The following SLC6A4 variants were observed in gnomAD, a reference collection of about 807,000 sequenced individuals.
SLC6A4 encodes solute carrier family 6 member 4.
A neutral mutation model predicts 73.4 loss-of-function variants in SLC6A4; 22 were observed. That is an observed-to-expected ratio of 0.30 (90% CI 0.21 to 0.43). SLC6A4 has a LOEUF of 0.43. Ranked by LOEUF, SLC6A4 falls within the 20% of genes least tolerant of loss-of-function variation. SLC6A4 has a pLI of 1.00. For synonymous variants in SLC6A4, 270 were observed against 315.5 expected (o/e 0.86, Z 1.53); for missense variants, 593 against 808.5 (o/e 0.73, Z 3.23).
chr17:30,204,450 A>T (rs1194537221), intron 13 of SLC6A4: 1 of 152,106 alleles, frequency 6.6e-6, no homozygotes, highest in Non-Finnish European at 1.5e-5. Context: ...CCTCATCCCC[A>T]GAGCCGGCTA....
chr17:30,201,921 A>G (rs1320949852), intron 14 of SLC6A4, among the ~76,000 whole-genome samples: 1 of 152,124 alleles, frequency 6.6e-6, no homozygotes, highest in Non-Finnish European at 1.5e-5. Flanking sequence ...TGGGCAACAT[A>G]GTGAGATCTT....
At chr17:30,200,702 C>T (rs1298280383) in intron 14 of SLC6A4, among the ~76,000 whole-genome samples, 3 of 152,196 alleles carry the variant, frequency 2.0e-5, no homozygotes, top group Non-Finnish European at 4.4e-5. Context: ...ATGCTTTATT[C>T]TTCTCAGAGA....
intron 14 of SLC6A4, 126 bp downstream of exon 14, chr17:30,203,046 A>ATAGG: frequency 1.4e-6 from 1 of 731,358 alleles, no homozygotes; most frequent in South Asian, 2.0e-5. Context: ...GCACAGGTAC[A>ATAGG]TACATATATA....
chr17:30,198,521 T>G lies in SLC6A4; in HGVS notation c.1828A>C (p.Lys610Gln), dbSNP rs201520429. The G allele has an allele frequency of 6.3e-7, 1 of 1,580,916 alleles. No homozygotes were observed. The highest frequency in any genetic ancestry group is 2.2e-5 in the East Asian group (1 of 44,662). ...TPGTFKERII[K>Q]SITPETPTEI... is the part of the protein sequence containing the mutation. ...GTTGGTGTTTCTGGGGTAATACTTT[T>G]AATAATACGCTATTGGGAAGAAAAT... The change falls in exon 15 of 15, where the codon AAA (lysine) becomes CAA (glutamine). Residue 610 changes from lysine to glutamine, a missense_variant. Lys to Gln is a moderately conservative substitution (Grantham distance 53, BLOSUM62 1). Coordinates refer to ENST00000650711, the MANE Select transcript of SLC6A4 (RefSeq NM_001045.6).
intron 8 of SLC6A4, 97 bp downstream of exon 8, chr17:30,215,514 C>T (rs1036176436): frequency 7.0e-6 from 7 of 995,802 alleles, no homozygotes; most frequent in Middle Eastern, 4.1e-4. Context: ...CTAAGCCTGG[C>T]CAGATTCGAG....
intron 9 of SLC6A4, among the ~76,000 whole-genome samples, 167 bp downstream of exon 9, chr17:30,212,573 A>G (rs1457301920): frequency 6.6e-6 from 1 of 152,154 alleles, no homozygotes; most frequent in Non-Finnish European, 1.5e-5. Flanking sequence ...TTATAGAGGC[A>G]GGGTCTCACT....
chr17:30,212,369 G>A (rs902722996), intron 9 of SLC6A4, among the ~76,000 whole-genome samples: 3 of 152,174 alleles, frequency 2.0e-5, no homozygotes, highest in African/African-American at 4.8e-5. Context: ...CTAAGGCATC[G>A]AGCTTCTCTC....
At chr17:30,199,772 T>C (rs1905973960) in intron 14 of SLC6A4, among the ~76,000 whole-genome samples, 1 of 152,166 alleles carries the variant, frequency 6.6e-6, no homozygotes. Flanking sequence ...TACCAGAGCA[T>C]GCCGAGTCAC....
Position 30,218,102 on chromosome 17 carries a change from A to C in SLC6A4, c.698+16T>G. On this transcript the variant is annotated intron_variant, in intron 5 of 14. Transcript: ENST00000650711. ...CCTGCCCCTAACAGGCCAACCCCTC[A>C]CTTACGTGCACTTACGTGTAAAATT... The C allele has an allele frequency of 1.9e-6, 3 of 1,609,762 alleles. No individual in the cohort carries two copies. Among genetic ancestry groups the C allele is most frequent in the Non-Finnish European group, 2.6e-6 (3 of 1,176,040 alleles).
intron 10 of SLC6A4, 148 bp from the exon 11 acceptor site, chr17:30,210,794 A>G: frequency 1.3e-6 from 1 of 796,494 alleles, no homozygotes; most frequent in Non-Finnish European, 1.9e-6. Flanking sequence ...CCATGTAAGC[A>G]TCTCAAAGAG....
rs563326666 is a variant in SLC6A4, at chr17:30,211,738, A to G, written c.1205-314T>C. ...ACATGAGAATAAGAGTTTCCACCAT[A>G]TAACAATTCCATGGGATTTCTCAGG... is the stretch of plus-strand genomic sequence containing the variant. On this transcript the variant is annotated intron_variant, in intron 9 of 14. Coordinates refer to ENST00000650711, the MANE Select transcript of SLC6A4 (RefSeq NM_001045.6). This position sits in a 1 kb window ranked among gnomAD's most constrained non-coding sequence, Gnocchi z 4.0. Among the ~76,000 whole-genome samples, 1 of 152,294 alleles carries G rather than the reference A, an allele frequency of 6.6e-6. No individual in the cohort carries two copies. The highest frequency in any genetic ancestry group is 1.9e-4 in the East Asian group (1 of 5,186).
At chr17:30,230,122 AGAG>A (rs111715707) in intron 1 of SLC6A4, among the ~76,000 whole-genome samples, 3,378 of 123,388 alleles carry the variant, frequency 0.027, 108 homozygotes, top group African/African-American at 0.068. Context: ...AGGAAGAGGA[AGAG>A]GAGGAGGAGG....
rs774597104 is a variant in SLC6A4, at chr17:30,218,824, A to T, written c.451T>A (p.Trp151Arg). The T allele has an allele frequency of 6.2e-7, 1 of 1,614,006 alleles. No homozygotes were observed. The highest frequency in any genetic ancestry group is 8.5e-7 in the Non-Finnish European group (1 of 1,179,984). The change falls in exon 4 of 15, where the codon TGG becomes AGG. Residue 151 changes from tryptophan to arginine, a missense_variant. Transcript: ENST00000650711. Reference protein sequence around the residue: ...QYHRNGCISIWRKICPIFKGI... With the variant: ...QYHRNGCISIRRKICPIFKGI... ...TTGAAAATCGGGCAGATTTTCCTCCATATTGAAATGCATCCATTTCGGTGG... is the reference window on the plus strand; with the variant it reads ...TTGAAAATCGGGCAGATTTTCCTCCTTATTGAAATGCATCCATTTCGGTGG...
intron 1 of SLC6A4, among the ~76,000 whole-genome samples, chr17:30,230,720 T>C (rs1211160178): frequency 1.3e-5 from 2 of 151,548 alleles, no homozygotes; most frequent in Non-Finnish European, 2.9e-5. Flanking sequence ...GGGTGGGGCA[T>C]GGAGGGGAGA....
At chr17:30,230,352 C>T (rs2143016538) in intron 1 of SLC6A4, among the ~76,000 whole-genome samples, 1 of 152,340 alleles carries the variant, frequency 6.6e-6, no homozygotes, top group African/African-American at 2.4e-5. Context: ...AGTGTCACTT[C>T]ACCTTCCAAA....
intron 1 of SLC6A4, among the ~76,000 whole-genome samples, chr17:30,226,309 C>T (rs902132098): frequency 7.9e-5 from 12 of 152,192 alleles, no homozygotes; most frequent in Admixed American, 7.2e-4. Flanking sequence ...ACGCTGGTGC[C>T]GCCCGAAGCA....
In SLC6A4 at chr17:30,211,457, G is replaced by A. The variant is rs28914830; in HGVS notation, c.1205-33C>T. 7,842 of 1,318,042 alleles carry A rather than the reference G, an allele frequency of 5.9e-3. 258 individuals are homozygous for A. The African/African-American group carries it at 0.082, about 14-fold the overall frequency. 81.6% of individuals were successfully genotyped at this position (1,318,042 alleles called of 1,614,324 possible). Reference sequence around the variant, plus strand: ...AGAGGGGAGAGAGGAGGAGGTGGTTGACAAGACCTGTCCTACAAAGATGTC... The same window carrying A: ...AGAGGGGAGAGAGGAGGAGGTGGTTAACAAGACCTGTCCTACAAAGATGTC... On this transcript the variant is annotated intron_variant, in intron 9 of 14. Coordinates refer to ENST00000650711, the MANE Select transcript of SLC6A4 (RefSeq NM_001045.6). The surrounding 1 kb of genome is among the most constrained non-coding windows in gnomAD (Gnocchi z 4.0).
At position 30,217,271 on chromosome 17, in the gene SLC6A4, C is replaced by A. The variant is rs201604135; in HGVS notation, c.732G>T (p.Gly244=). 95 of 1,614,046 alleles carry A rather than the reference C, an allele frequency of 5.9e-5. No homozygotes were observed. Among genetic ancestry groups the A allele is most frequent in the Non-Finnish European group, 7.5e-5 (89 of 1,180,020 alleles). The part of the protein sequence containing the change: ...RHVLQIHRSK[G]LQDLGGISWQ... ...AGCTGATGCCCCCCAGGTCCTGGAG[C>A]CCCTTAGACCGGTGGATCTGCAGGA... Residue 244 remains glycine (G), a synonymous_variant, in exon 6 of 15, where the codon GGG becomes GGT. Transcript: ENST00000650711.
intron 3 of SLC6A4, among the ~76,000 whole-genome samples, chr17:30,219,627 G>C (rs1005005278): frequency 6.6e-6 from 1 of 152,190 alleles, no homozygotes; most frequent in Non-Finnish European, 1.5e-5. Flanking sequence ...TGCAGGAGTG[G>C]CTGGACAGGG....
Sources: gnomAD v4.1 joint callset for allele counts (sites outside exome capture counted in the v4.1 genomes callset) on GRCh38, gnomAD v4.1.1 for gene constraint, Gnocchi (gnomAD v3.1) non-coding constraint, MANE v1.5 for transcripts, NCBI Gene and HGNC (gene_info 2026-07-23, HGNC 2026-07-21) for gene names.